Variants in CDK13 observed in about 807,000 individuals in gnomAD.
CDK13 encodes cyclin dependent kinase 13, also known as cyclin-dependent kinase 13.
Under a neutral mutation model 137.6 loss-of-function variants are expected in CDK13, and 40 were observed. The ratio of observed to expected loss-of-function variants is 0.29; its 90% CI spans 0.23 to 0.38. CDK13 has a LOEUF of 0.38. CDK13 is among the 10% of genes least tolerant of loss of function. CDK13 has a pLI of 1.00. For missense variants in CDK13, 1,704 were observed against 1,951.8 expected, an observed-to-expected ratio of 0.87 and a Z score of 2.39; for synonymous variants, 869 against 760.1, an observed-to-expected ratio of 1.14 and a Z score of -2.36.
chr7:40,085,711 C>T (rs1473647411), intron 11 of CDK13: 1 of 152,530 alleles, frequency 6.6e-6, no homozygotes, highest in Non-Finnish European at 1.5e-5. Flanking sequence ...GGTTTTTACA[C>T]GCTGAGGCAA....
rs767801677 is a variant in CDK13 at position 40,094,493 on chromosome 7, G to A, written c.4052G>A (p.Ser1351Asn). ...SSSFSSAPYV[S>N]NDGLGSSSAP... ...TCTTTCTCTTCTGCTCCTTATGTTA[G>A]CAATGATGGTCTAGGAAGCAGTTCT... The change falls in exon 14 of 14, where the codon AGC (serine) becomes AAC (asparagine). Residue 1351 changes from serine (S) to asparagine (N), a missense_variant. By Grantham distance (46) the Ser-to-Asn change is conservative. Around this residue, in one of 5 missense-constraint regions of CDK13, gnomAD observed 475 missense variants for 579.3 expected, o/e 0.82. Coordinates refer to ENST00000181839, the MANE Select transcript of CDK13 (RefSeq NM_003718.5). The A allele has an allele frequency of 2.5e-6, 4 of 1,613,394 alleles. No individual in the cohort carries two copies. In the East Asian group the frequency reaches 8.9e-5, roughly 36 times the overall value.
intron 1 of CDK13, among the ~76,000 whole-genome samples, chr7:39,967,487 G>A (rs953142366): frequency 3.3e-5 from 5 of 151,504 alleles, no homozygotes; most frequent in East Asian, 1.9e-4. Context: ...AAAAAAATCC[G>A]TTCATCTAAC....
intron 7 of CDK13, among the ~76,000 whole-genome samples, chr7:40,051,804 A>G (rs1363373237): frequency 3.9e-5 from 6 of 152,174 alleles, no homozygotes; most frequent in Admixed American, 2.6e-4. Flanking sequence ...AGAAAGAAAG[A>G]GAACCACTGG....
chr7:39,963,079 T>C (rs1454186102), intron 1 of CDK13, among the ~76,000 whole-genome samples: 2 of 152,212 alleles, frequency 1.3e-5, no homozygotes, highest in Non-Finnish European at 2.9e-5. Context: ...CTTTGTCCTT[T>C]TGGCTTAGGA....
chr7:40,026,514 GAAAT>G (rs1336317050), intron 5 of CDK13, among the ~76,000 whole-genome samples: 3 of 152,252 alleles, frequency 2.0e-5, no homozygotes, highest in East Asian at 1.9e-4. Flanking sequence ...CCCTGCCTCA[GAAAT>G]AAATAAATAA....
intron 4 of CDK13, among the ~76,000 whole-genome samples, chr7:40,001,131 A>G (rs1173181437): frequency 6.6e-6 from 1 of 152,106 alleles, no homozygotes; most frequent in Non-Finnish European, 1.5e-5. Flanking sequence ...TTTTATGCAT[A>G]CATAAGCATA....
intron 9 of CDK13, among the ~76,000 whole-genome samples, chr7:40,064,024 C>A (rs1372009125): frequency 6.6e-6 from 1 of 152,024 alleles, no homozygotes; most frequent in African/African-American, 2.4e-5. Flanking sequence ...GTTTCTCACG[C>A]CCGTAATCCC....
chr7:39,957,311 T>TA (rs1404523313), intron 1 of CDK13, among the ~76,000 whole-genome samples: 27 of 85,920 alleles, frequency 3.1e-4, no homozygotes, highest in Middle Eastern at 0.011. Flanking sequence ...TTTTTTTTCC[T>TA]GTGCCCCCAC....
chr7:39,962,165 C>T (rs1390415844), intron 1 of CDK13, among the ~76,000 whole-genome samples: 1 of 152,194 alleles, frequency 6.6e-6, no homozygotes, highest in Non-Finnish European at 1.5e-5. Flanking sequence ...AATGGGATTG[C>T]TGGGTCAAAT....
At chr7:39,978,872 C>T (rs1033600914) in intron 1 of CDK13, among the ~76,000 whole-genome samples, 1 of 152,158 alleles carries the variant, frequency 6.6e-6, no homozygotes. Flanking sequence ...AAGAGGAACA[C>T]CTCCTTTCTT....
At chr7:40,068,804 A>ATC (rs1278106168) in intron 9 of CDK13, among the ~76,000 whole-genome samples, 1 of 151,632 alleles carries the variant, frequency 6.6e-6, no homozygotes, top group Non-Finnish European at 1.5e-5. Context: ...ATTGAGATTG[A>ATC]TCTCATTTAG....
intron 2 of CDK13, among the ~76,000 whole-genome samples, chr7:39,997,113 T>C (rs1784580764): frequency 6.6e-6 from 1 of 152,162 alleles, no homozygotes; most frequent in South Asian, 2.1e-4. Context: ...TATAACAGTC[T>C]TACATTTATA....
rs575130294 is a variant in CDK13 at position 39,958,749 on chromosome 7, A to G, written c.1211+6897A>G. Among the ~76,000 whole-genome samples the G allele has an allele frequency of 6.9e-4, 103 of 149,084 alleles. 1 individual carries two copies. The highest frequency in any genetic ancestry group is 1.5e-3 in the South Asian group (7 of 4,732). ...ATCTAAAGCAAATTTTTTTTTGTGTATTTGTTCCATTATCTTTAGATTGAA... is the reference window on the plus strand; with the variant it reads ...ATCTAAAGCAAATTTTTTTTTGTGTGTTTGTTCCATTATCTTTAGATTGAA... On this transcript the variant is annotated intron_variant, in intron 1 of 13. Coordinates refer to ENST00000181839, the MANE Select transcript of CDK13 (RefSeq NM_003718.5).
intron 6 of CDK13, among the ~76,000 whole-genome samples, chr7:40,046,395 G>A (rs1265794397): frequency 3.3e-5 from 5 of 152,122 alleles, no homozygotes; most frequent in Non-Finnish European, 7.4e-5. Flanking sequence ...TGTAATCCCA[G>A]CACCTTGAGA....
intron 1 of CDK13, among the ~76,000 whole-genome samples, chr7:39,969,604 C>T (rs929634968): frequency 1.3e-5 from 2 of 152,094 alleles, no homozygotes; most frequent in African/African-American, 4.8e-5. Flanking sequence ...TTCAAAATGT[C>T]TTTGCCATTT....
intron 5 of CDK13, among the ~76,000 whole-genome samples, chr7:40,037,704 T>C (rs543647728): frequency 6.6e-6 from 1 of 152,320 alleles, no homozygotes; most frequent in African/African-American, 2.4e-5. Context: ...GATTTATACA[T>C]CTTTGACCTT....
chr7:40,006,065 T>G (rs1035612576), intron 5 of CDK13, among the ~76,000 whole-genome samples: 4 of 152,226 alleles, frequency 2.6e-5, no homozygotes, highest in Non-Finnish European at 5.9e-5. Context: ...GGACAGGGGA[T>G]AAACTGATTC....
At chr7:39,976,944 G>A (rs773421) in intron 1 of CDK13, among the ~76,000 whole-genome samples, 151,185 of 152,258 alleles carry the variant, frequency 0.99, 75,068 homozygotes, top group East Asian at 1. Flanking sequence ...AATTAGACTC[G>A]GTTTCTGCTC....
intron 9 of CDK13, among the ~76,000 whole-genome samples, chr7:40,063,331 G>C (rs921620881): frequency 2.6e-5 from 4 of 152,110 alleles, no homozygotes; most frequent in African/African-American, 9.7e-5. Context: ...ACATGCGTGC[G>C]TGCATGTGTG....
Sources: gnomAD v4.1 joint callset for allele counts (sites outside exome capture counted in the v4.1 genomes callset) on GRCh38, gnomAD v4.1.1 for gene constraint, gnomAD v4.1.1 regional missense constraint, MANE v1.5 for transcripts, NCBI Gene and HGNC (gene_info 2026-07-23, HGNC 2026-07-21) for gene names.